Variants in ERICH3 observed in about 807,000 individuals in gnomAD.
ERICH3 encodes the protein glutamate rich 3, also known as glutamate-rich protein 3.
Under a neutral mutation model 131.1 loss-of-function variants are expected in ERICH3, and 126 were observed. That is an observed-to-expected ratio of 0.96 (90% CI 0.83 to 1.11). The LOEUF (loss-of-function observed/expected upper bound fraction) is 1.11, where lower values mean the gene tolerates loss of function less well. ERICH3 is among the 50% of genes most tolerant of loss of function. The pLI is 0.00. For missense variants in ERICH3, 2,050 were observed against 1,810.7 expected, an observed-to-expected ratio of 1.13 and a Z score of -2.40; for synonymous variants, 695 against 644.6, an observed-to-expected ratio of 1.08 and a Z score of -1.18.
At chr1:74,592,724 G>A (rs919777086) in intron 11 of ERICH3, among the ~76,000 whole-genome samples, 4 of 152,096 alleles carry the variant, frequency 2.6e-5, no homozygotes, top group Non-Finnish European at 5.9e-5. Flanking sequence ...CCTCGAAGTG[G>A]CCAGGGCACC....
At chr1:74,642,225 A>G (rs1646443518) in intron 4 of ERICH3, among the ~76,000 whole-genome samples, 1 of 152,076 alleles carries the variant, frequency 6.6e-6, no homozygotes, top group Non-Finnish European at 1.5e-5. Flanking sequence ...TTATCTTCTC[A>G]CCCTGATAAA....
In ERICH3 at chr1:74,579,208, T is replaced by TA. The variant is rs559866436; in HGVS notation, c.2177-2273dup. ...TAAGCAATGTTTTAGGTTTTGCATA[T>TA]AAATTTATTTGGCAATTACATGAAG... On this transcript the variant is annotated intron_variant, in intron 12 of 14. Transcript: ENST00000326665. Among the ~76,000 whole-genome samples, 16 of 152,270 alleles carry TA rather than the reference T, an allele frequency of 1.1e-4. No individual in the cohort carries two copies. The South Asian group carries it at 3.1e-3, about 30-fold the overall frequency.
chr1:74,616,446 G>C (rs1424822764), intron 8 of ERICH3, among the ~76,000 whole-genome samples: 1 of 152,146 alleles, frequency 6.6e-6, no homozygotes, highest in Non-Finnish European at 1.5e-5. Context: ...TGGCTAACTG[G>C]AAGTGGCATG....
intron 1 of ERICH3, among the ~76,000 whole-genome samples, chr1:74,672,433 T>C (rs1646750533): frequency 3.3e-5 from 5 of 152,230 alleles, no homozygotes; most frequent in South Asian, 2.1e-4. Context: ...GCACCTTATA[T>C]GGCTTTAGTT....
chr1:74,654,036 C>T (rs1047015334), intron 1 of ERICH3, among the ~76,000 whole-genome samples: 2 of 152,126 alleles, frequency 1.3e-5, no homozygotes, highest in African/African-American at 4.8e-5. Context: ...GCCTTTTCTC[C>T]CATTTCAAAT....
chr1:74,604,651 G>A (rs1033246606), intron 10 of ERICH3, among the ~76,000 whole-genome samples: 1 of 151,954 alleles, frequency 6.6e-6, no homozygotes, highest in African/African-American at 2.4e-5. Flanking sequence ...GTTCTTGAGT[G>A]ACCAGGTACA....
At chr1:74,661,568 C>A (rs1435496806) in intron 1 of ERICH3, among the ~76,000 whole-genome samples, 2 of 152,132 alleles carry the variant, frequency 1.3e-5, no homozygotes, top group Admixed American at 6.5e-5. Flanking sequence ...ACTGGAAACA[C>A]CTTCTCTATG....
chr1:74,624,702 T>G (rs1649354949), intron 7 of ERICH3: 1 of 152,610 alleles, frequency 6.6e-6, no homozygotes, highest in African/African-American at 2.4e-5. Context: ...CCCCACTCCC[T>G]CTGCTTCCTA....
At position 74,576,823 on chromosome 1, in the gene ERICH3, A is replaced by G. The variant is rs1647064318; in HGVS notation, c.2218+72T>C. 2.2e-6 allele frequency: 3 copies of G among 1,335,692 alleles called. No homozygotes were observed. The Admixed American group carries it at 6.8e-5, about 30-fold the overall frequency. The allele number at this position is 1,335,692 out of a possible 1,614,324, so 82.7% of individuals were successfully genotyped here. A position where few individuals can be genotyped will look rare whatever the true frequency, so the allele number is the denominator to read the frequency against. On this transcript the variant is annotated intron_variant, in intron 13 of 14. Coordinates refer to ENST00000326665, the MANE Select transcript of ERICH3 (RefSeq NM_001002912.5). Reference sequence around the variant, plus strand: ...GCCTAGTGATTTCAAGAACATGGGAAGTTTGACCAGATTTATGAGTCATGG... The same window carrying G: ...GCCTAGTGATTTCAAGAACATGGGAGGTTTGACCAGATTTATGAGTCATGG...
At chr1:74,666,850 G>A (rs541993605) in intron 1 of ERICH3, among the ~76,000 whole-genome samples, 5 of 152,276 alleles carry the variant, frequency 3.3e-5, no homozygotes, top group African/African-American at 1.2e-4. Context: ...TGTGTTCAAT[G>A]TACTATTCAG....
At chr1:74,606,355 T>C (rs1240977787) in intron 10 of ERICH3, among the ~76,000 whole-genome samples, 1 of 151,898 alleles carries the variant, frequency 6.6e-6, no homozygotes, top group Non-Finnish European at 1.5e-5. Flanking sequence ...CATTGACATG[T>C]ACTCATTCTC....
chr1:74,579,935 A>G (rs921994605), intron 12 of ERICH3: 3 of 947,112 alleles, frequency 3.2e-6, no homozygotes, highest in Non-Finnish European at 3.8e-6. Flanking sequence ...CACTCAAATG[A>G]TATAATGATA....
chr1:74,660,655 T>C (rs1280279164), intron 1 of ERICH3, among the ~76,000 whole-genome samples: 1 of 148,876 alleles, frequency 6.7e-6, no homozygotes, highest in East Asian at 2.0e-4. Flanking sequence ...TGTGTATATA[T>C]GTGTATACAA....
intron 7 of ERICH3, 108 bp downstream of exon 7, chr1:74,631,605 C>A: frequency 6.9e-6 from 6 of 875,416 alleles, no homozygotes; most frequent in South Asian, 5.1e-5. Context: ...TTACACACAA[C>A]GTTTTGCATG....
In ERICH3 at chr1:74,599,608, G is replaced by A. The variant is rs1648023281; in HGVS notation, c.1726+87C>T. 4 of 1,114,880 alleles carry A rather than the reference G, an allele frequency of 3.6e-6. No homozygotes were observed. In the Admixed American group the frequency reaches 1.0e-4, roughly 28 times the overall value. The allele number at this position is 1,114,880 out of a possible 1,614,324, so 69.1% of individuals were successfully genotyped here. On this transcript the variant is annotated intron_variant, in intron 11 of 14. Coordinates refer to ENST00000326665, the MANE Select transcript of ERICH3 (RefSeq NM_001002912.5). ...ACATACATTCAAGAGAAAAAAAAGA[G>A]GATTATCTCATTAAATAGAAAACAA...
Position 74,649,403 on chromosome 1 carries a change from T to C in ERICH3, c.24-88A>G, listed in dbSNP as rs994006770. ...CTTTACTGTTTCCCCAAATAGTGCATAATCATTCACTCATGCAGCCTGCCA... is the reference window on the plus strand; with the variant it reads ...CTTTACTGTTTCCCCAAATAGTGCACAATCATTCACTCATGCAGCCTGCCA... On this transcript the variant is annotated intron_variant, in intron 1 of 14. Transcript: ENST00000326665. 2.1e-5 allele frequency: 20 copies of C among 954,948 alleles called. No homozygotes were observed. In the African/African-American group the frequency reaches 3.1e-4, roughly 15 times the overall value. 59.2% of individuals were successfully genotyped at this position (954,948 alleles called of 1,614,324 possible). A position where few individuals can be genotyped will look rare whatever the true frequency, so the allele number is the denominator to read the frequency against.
chr1:74,609,223 T>C (rs1180395126), intron 9 of ERICH3, among the ~76,000 whole-genome samples: 1 of 152,034 alleles, frequency 6.6e-6, no homozygotes, highest in Admixed American at 6.6e-5. Context: ...CCTTACACTT[T>C]GGAAGTGACC....
At chr1:74,632,304 T>A (rs904150304) in intron 6 of ERICH3, among the ~76,000 whole-genome samples, 3 of 152,100 alleles carry the variant, frequency 2.0e-5, no homozygotes, top group African/African-American at 7.2e-5. Context: ...TTTTTCATAT[T>A]CTTATTTCAG....
In ERICH3 at chr1:74,572,252, A is replaced by G. The variant is rs537855744; in HGVS notation, c.3458T>C (p.Val1153Ala). 4.3e-6 allele frequency: 7 copies of G among 1,614,072 alleles called. No individual in the cohort carries two copies. The African/African-American group carries it at 8.0e-5, about 18-fold the overall frequency. ...AGGCGTTGCTTCAAATATGGGAACCACTGTCTCTTTTAGTGAATCTTCTCC... is the reference window on the plus strand; with the variant it reads ...AGGCGTTGCTTCAAATATGGGAACCGCTGTCTCTTTTAGTGAATCTTCTCC... Reference protein sequence around the residue: ...LLGEDSLKETVVPIFEATPGF... With the variant: ...LLGEDSLKETAVPIFEATPGF... Residue 1153 changes from valine (V) to alanine (A), a missense_variant, in exon 14 of 15, where the codon GTG (valine) becomes GCG (alanine). Coordinates refer to ENST00000326665, the MANE Select transcript of ERICH3 (RefSeq NM_001002912.5).
Sources: allele counts gnomAD v4.1 joint callset (sites outside exome capture counted in the v4.1 genomes callset), GRCh38; gene constraint gnomAD v4.1.1; transcripts MANE v1.5; gene names NCBI Gene and HGNC (gene_info 2026-07-23, HGNC 2026-07-21).